Variants in TCF12 observed in about 807,000 individuals in gnomAD.
TCF12 encodes the protein DNA-binding protein HTF4.
TCF12 carries 45 observed loss-of-function variants against 86.0 expected under a neutral mutation model. That is an observed-to-expected ratio of 0.52 (90% CI 0.41 to 0.67). The LOEUF (loss-of-function observed/expected upper bound fraction) is 0.67. Among genes scored for constraint, TCF12 ranks in the 30% least tolerant of loss-of-function variants. The pLI is 0.00. For missense variants in TCF12, 881 were observed against 859.9 expected (o/e 1.02, Z -0.31); for synonymous variants, 330 against 299.6 (o/e 1.10, Z -1.05).
At chr15:57,269,882 G>A (rs1255377614) in intron 18 of TCF12, among the ~76,000 whole-genome samples, 1 of 152,076 alleles carries the variant, frequency 6.6e-6, no homozygotes, top group Admixed American at 6.5e-5. Context: ...TGAAATATTG[G>A]CCCCGACTCT....
chr15:57,200,968 G>A (rs1215125173), intron 8 of TCF12, among the ~76,000 whole-genome samples: 1 of 152,032 alleles, frequency 6.6e-6, no homozygotes, highest in Admixed American at 6.6e-5. Context: ...TGTTTGGAGT[G>A]GGAAATTCGA....
At chr15:56,952,375 G>T (rs1396373352) in intron 3 of TCF12, among the ~76,000 whole-genome samples, 2 of 149,598 alleles carry the variant, frequency 1.3e-5, no homozygotes, top group Admixed American at 6.6e-5. Flanking sequence ...GCTATTCTAG[G>T]TCCTCTGCAT....
At chr15:57,073,382 G>C (rs1361562332) in intron 4 of TCF12, among the ~76,000 whole-genome samples, 2 of 152,036 alleles carry the variant, frequency 1.3e-5, no homozygotes, top group Admixed American at 6.6e-5. Context: ...TTGCTTATTT[G>C]TGGGAATAAA....
chr15:57,155,908 T>C (rs547244302), intron 5 of TCF12, among the ~76,000 whole-genome samples: 7 of 152,318 alleles, frequency 4.6e-5, no homozygotes, highest in African/African-American at 1.7e-4. Context: ...TGATGGCTAT[T>C]TATGTATTTT....
intron 8 of TCF12, among the ~76,000 whole-genome samples, chr15:57,205,536 T>C (rs2057768966): frequency 6.6e-6 from 1 of 152,220 alleles, no homozygotes; most frequent in African/African-American, 2.4e-5. Flanking sequence ...GGCTGTTAGA[T>C]GAGGTATCTC....
chr15:57,234,163 G>A, intron 12 of TCF12, 56 bp downstream of exon 12: 1 of 1,358,448 alleles, frequency 7.4e-7, no homozygotes, highest in Non-Finnish European at 1.1e-6. Context: ...TGAATACAGT[G>A]ATTAGATTTT....
intron 4 of TCF12, among the ~76,000 whole-genome samples, chr15:57,068,360 A>G (rs1462886466): frequency 2.6e-5 from 4 of 152,230 alleles, no homozygotes; most frequent in African/African-American, 9.6e-5. Flanking sequence ...AATTACACAA[A>G]TTTAAACACA....
chr15:57,051,509 A>G (rs2141578331), intron 3 of TCF12, among the ~76,000 whole-genome samples: 1 of 151,884 alleles, frequency 6.6e-6, no homozygotes, highest in East Asian at 1.9e-4. Context: ...TTTTAAGTAG[A>G]GATGAGTTCT....
chr15:56,934,725 A>G (rs192976240), intron 3 of TCF12, among the ~76,000 whole-genome samples: 12 of 152,314 alleles, frequency 7.9e-5, no homozygotes, highest in African/African-American at 2.9e-4. Flanking sequence ...ATTTTGAAGA[A>G]GGGAATTGAC....
At chr15:57,197,149 C>CCTCTTTTTTTTTT (rs2057304169) in intron 7 of TCF12, among the ~76,000 whole-genome samples, 1 of 68,010 alleles carries the variant, frequency 1.5e-5, no homozygotes, top group African/African-American at 4.9e-5. Flanking sequence ...CACAGAACAG[C>CCTCTTTTTTTTTT]TTCTTTTTTT....
intron 5 of TCF12, among the ~76,000 whole-genome samples, chr15:57,146,589 G>A (rs2151433220): frequency 6.6e-6 from 1 of 152,232 alleles, no homozygotes; most frequent in Non-Finnish European, 1.5e-5. Flanking sequence ...AAGACACAAG[G>A]GGGCACTGTC....
chr15:57,151,148 T>A (rs2053727882), intron 5 of TCF12, among the ~76,000 whole-genome samples: 1 of 149,350 alleles, frequency 6.7e-6, no homozygotes, highest in Admixed American at 6.7e-5. Flanking sequence ...CCAATTTTTT[T>A]TTTTTTTTTT....
intron 5 of TCF12, among the ~76,000 whole-genome samples, chr15:57,150,878 CCTT>C (rs1567520982): frequency 0.19 from 17,949 of 95,428 alleles, 3,155 homozygotes; most frequent in South Asian, 0.22. Context: ...TCTGTCCCTT[CCTT>C]CCTTCCTTCC....
intron 7 of TCF12, among the ~76,000 whole-genome samples, chr15:57,195,913 G>T (rs139618220): frequency 4.0e-4 from 61 of 152,248 alleles, no homozygotes; most frequent in African/African-American, 1.4e-3. Context: ...CCAAGGCAGG[G>T]GAATTGCTTG....
chr15:56,962,132 CAAAAA>C, intron 3 of TCF12, among the ~76,000 whole-genome samples: 1 of 63,024 alleles, frequency 1.6e-5, no homozygotes, highest in African/African-American at 5.5e-5. Context: ...GACTCCGTCT[CAAAAA>C]AAAAAAAAAA....
intron 5 of TCF12, among the ~76,000 whole-genome samples, chr15:57,150,942 C>T (rs1484315813): frequency 7.2e-6 from 1 of 139,714 alleles, no homozygotes; most frequent in African/African-American, 2.7e-5. Context: ...TTCCTTCTTC[C>T]CTTCCCCTCC....
At chr15:56,946,769 T>G (rs1361617521) in intron 3 of TCF12, among the ~76,000 whole-genome samples, 1 of 151,968 alleles carries the variant, frequency 6.6e-6, no homozygotes, top group Non-Finnish European at 1.5e-5. Flanking sequence ...AGAGTTGTTT[T>G]TAAGCTTTTG....
At chr15:57,238,952 T>C (rs923909960) in intron 12 of TCF12, among the ~76,000 whole-genome samples, 1 of 152,178 alleles carries the variant, frequency 6.6e-6, no homozygotes. Context: ...CTTTGATAAG[T>C]AGAATTCCAT....
At position 57,273,122 on chromosome 15, in the gene TCF12, G is replaced by A. The variant is rs730880016; in HGVS notation, c.1838G>A (p.Arg613His). Residue 613 changes from arginine (R) to histidine (H), a missense_variant, in exon 19 of 21, where the codon CGC (arginine) becomes CAC (histidine). This residue lies in a region of TCF12 where 46 missense variants were observed against 76.7 expected (regional missense o/e 0.60). Transcript: ENST00000333725. ...RMANNARERLRVRDINEAFKE... is the reference protein window; with the variant it reads ...RMANNARERLHVRDINEAFKE... The stretch of plus-strand genomic sequence containing the variant: ...GCTAACAATGCCAGAGAACGCTTAC[G>A]CGTGCGGGATATTAATGAAGCATTC... The A allele has an allele frequency of 2.5e-6, 4 of 1,614,196 alleles. No homozygotes were observed. Among genetic ancestry groups the A allele is most frequent in the Non-Finnish European group, 8.5e-7 (1 of 1,180,038 alleles).
Sources: gnomAD v4.1 joint callset for allele counts (sites outside exome capture counted in the v4.1 genomes callset) on GRCh38, gnomAD v4.1.1 for gene constraint, gnomAD v4.1.1 regional missense constraint, MANE v1.5 for transcripts, NCBI Gene and HGNC (gene_info 2026-07-23, HGNC 2026-07-21) for gene names.